Variants in SETBP1 observed in about 807,000 individuals in gnomAD.
The protein encoded by SETBP1 is SET-binding protein.
Under a neutral mutation model 101.0 loss-of-function variants are expected in SETBP1, and 9 were observed. That is an observed-to-expected ratio of 0.09 (90% confidence interval 0.05 to 0.16). The LOEUF is 0.16. Ranked by LOEUF, SETBP1 falls within the 10% of genes least tolerant of loss-of-function variation. SETBP1 has a pLI of 1.00. For missense variants in SETBP1, 1,858 were observed against 2,033.8 expected (o/e 0.91, Z 1.66); for synonymous variants, 818 against 788.5 (o/e 1.04, Z -0.63).
At chr18:44,775,903 A>C (rs1339083708) in intron 2 of SETBP1, among the ~76,000 whole-genome samples, 1 of 152,204 alleles carries the variant, frequency 6.6e-6, no homozygotes, top group African/African-American at 2.4e-5. Context: ...CTTTCTTTGC[A>C]CTTTGATCTC....
At chr18:44,912,363 CT>C (rs2070329860) in intron 3 of SETBP1, among the ~76,000 whole-genome samples, 1 of 152,288 alleles carries the variant, frequency 6.6e-6, no homozygotes, top group Admixed American at 6.5e-5. Flanking sequence ...TAAGTTGAGT[CT>C]GTAGAGGACC....
At chr18:44,966,618 G>C in intron 4 of SETBP1, among the ~76,000 whole-genome samples, 1 of 152,154 alleles carries the variant, frequency 6.6e-6, no homozygotes, top group East Asian at 1.9e-4. Context: ...CGATCCTTAG[G>C]ATGGTGCTGA....
chr18:44,967,592 G>A (rs2071748792), intron 4 of SETBP1, among the ~76,000 whole-genome samples: 1 of 152,308 alleles, frequency 6.6e-6, no homozygotes, highest in African/African-American at 2.4e-5. Context: ...TCAGGGTTGT[G>A]TTCCTCACTA....
chr18:44,868,745 A>C lies in SETBP1; in HGVS notation c.487-485A>C, dbSNP rs12455887. The stretch of plus-strand genomic sequence containing the variant: ...AAGGAAGGAAGGAAGGAAGGAAGGA[A>C]GGAAGGAAGGAAGGAAGGAAGGAAG... On this transcript the variant is annotated intron_variant, in intron 2 of 5. Transcript: ENST00000649279. Among the ~76,000 whole-genome samples the C allele has an allele frequency of 9.3e-3, 565 of 60,816 alleles. 39 individuals carry two copies. The highest frequency in any genetic ancestry group is 0.011 in the East Asian group (25 of 2,334). 39.9% of individuals were successfully genotyped at this position (60,816 alleles called of 152,430 possible).
chr18:44,740,640 G>T (rs1370549621), intron 2 of SETBP1, among the ~76,000 whole-genome samples: 1 of 152,190 alleles, frequency 6.6e-6, no homozygotes, highest in East Asian at 1.9e-4. Flanking sequence ...TGGACACTGG[G>T]AAAAGGATAT....
chr18:44,978,108 GT>G (rs2072031060), intron 4 of SETBP1, among the ~76,000 whole-genome samples: 1 of 152,082 alleles, frequency 6.6e-6, no homozygotes, highest in Non-Finnish European at 1.5e-5. Flanking sequence ...CCAACATTAG[GT>G]TGGGAAGAGC....
intron 4 of SETBP1, among the ~76,000 whole-genome samples, chr18:45,035,916 T>A (rs1159064337): frequency 1.3e-5 from 2 of 152,214 alleles, no homozygotes. Flanking sequence ...GTTGTGAAAA[T>A]ACCTCAGTCA....
chr18:44,931,293 G>C (rs1350664753), intron 3 of SETBP1, among the ~76,000 whole-genome samples: 1 of 152,148 alleles, frequency 6.6e-6, no homozygotes, highest in East Asian at 1.9e-4. Context: ...ATTGCACTGT[G>C]GTCTGAGAGA....
At chr18:44,747,215 T>C (rs1271812354) in intron 2 of SETBP1, among the ~76,000 whole-genome samples, 1 of 152,210 alleles carries the variant, frequency 6.6e-6, no homozygotes, top group East Asian at 1.9e-4. Flanking sequence ...AGGGATACCT[T>C]CATGACCCCC....
chr18:44,887,898 A>G (rs772495469), intron 3 of SETBP1, among the ~76,000 whole-genome samples: 1 of 152,136 alleles, frequency 6.6e-6, no homozygotes, highest in African/African-American at 2.4e-5. Flanking sequence ...AGGTTATCCA[A>G]TTGTAAATAC....
chr18:44,906,045 G>A (rs1472879436), intron 3 of SETBP1, among the ~76,000 whole-genome samples: 2 of 152,152 alleles, frequency 1.3e-5, no homozygotes. Flanking sequence ...CCCAGCAGCA[G>A]TTCTGATTAG....
intron 2 of SETBP1, among the ~76,000 whole-genome samples, chr18:44,715,924 A>G (rs1240037903): frequency 1.3e-5 from 2 of 152,092 alleles, no homozygotes; most frequent in East Asian, 3.9e-4. Flanking sequence ...CTGGGGTGAG[A>G]GGTCAGCCCT....
intron 2 of SETBP1, among the ~76,000 whole-genome samples, chr18:44,703,903 ATC>A (rs1432069014): frequency 3.2e-4 from 48 of 152,286 alleles, no homozygotes; most frequent in African/African-American, 1.2e-3. Flanking sequence ...GAAAATGAGT[ATC>A]TTTGTTTCTG....
chr18:44,704,783 A>G lies in SETBP1; in HGVS notation c.486+2951A>G, dbSNP rs1057231954. 3.3e-5 allele frequency among the ~76,000 whole-genome samples: 5 copies of G among 152,232 alleles called. No homozygotes were observed. In the East Asian group the frequency reaches 7.7e-4, roughly 23 times the overall value. On this transcript the variant is annotated intron_variant, in intron 2 of 5. Transcript: ENST00000649279. ...TTGTATGAATGAGAAATATGTGATC[A>G]GTAATTTGGCTCAGAATGGATGAGG...
chr18:44,801,841 T>C (rs530491958), intron 2 of SETBP1, among the ~76,000 whole-genome samples: 1 of 58,210 alleles, frequency 1.7e-5, no homozygotes, highest in African/African-American at 5.5e-5. Context: ...ACTTCCTACG[T>C]TGTGGTAGTT....
intron 4 of SETBP1, among the ~76,000 whole-genome samples, chr18:45,027,832 T>C (rs372027348): frequency 5.3e-5 from 8 of 152,268 alleles, no homozygotes; most frequent in Admixed American, 2.0e-4. Context: ...ATGGGACTCA[T>C]TGAGCTAAAA....
intron 2 of SETBP1, among the ~76,000 whole-genome samples, chr18:44,858,894 C>T (rs1051666998): frequency 6.6e-6 from 1 of 152,106 alleles, no homozygotes; most frequent in African/African-American, 2.4e-5. Context: ...AATTGCCCAC[C>T]TATATGATCA....
intron 3 of SETBP1, among the ~76,000 whole-genome samples, chr18:44,898,374 AATATAG>A (rs2069957737): frequency 6.6e-6 from 1 of 152,322 alleles, no homozygotes; most frequent in East Asian, 1.9e-4. Context: ...GGAAAATTTA[AATATAG>A]ATAGAGAGAT....
At chr18:44,849,330 C>A (rs1330574243) in intron 2 of SETBP1, among the ~76,000 whole-genome samples, 1 of 152,258 alleles carries the variant, frequency 6.6e-6, no homozygotes, top group African/African-American at 2.4e-5. Flanking sequence ...TGGCACTGAA[C>A]TGGGAGTTAG....
Sources: gnomAD v4.1 joint callset for allele counts (sites outside exome capture counted in the v4.1 genomes callset) on GRCh38, gnomAD v4.1.1 for gene constraint, MANE v1.5 for transcripts, NCBI Gene and HGNC (gene_info 2026-07-23, HGNC 2026-07-21) for gene names.